The following RAB6B variants were observed in gnomAD, a reference collection of about 807,000 sequenced individuals.
The protein encoded by RAB6B is ras-related protein Rab-6B.
A neutral mutation model predicts 31.2 loss-of-function variants in RAB6B; 7 were observed. That is an observed-to-expected ratio of 0.22 (90% CI 0.13 to 0.42). RAB6B has a LOEUF of 0.42. RAB6B is among the 10% of genes least tolerant of loss of function. RAB6B has a pLI of 1.00. For missense variants in RAB6B, 149 were observed against 280.6 expected, an observed-to-expected ratio of 0.53 and a Z score of 3.35; for synonymous variants, 105 against 104.9, an observed-to-expected ratio of 1.00 and a Z score of -0.01.
intron 1 of RAB6B, among the ~76,000 whole-genome samples, chr3:133,884,031 T>C (rs1453113991): frequency 2.0e-5 from 3 of 148,860 alleles, no homozygotes; most frequent in African/African-American, 5.1e-5. Context: ...AGCACCAAGA[T>C]GAGGGGGCAG....
intron 6 of RAB6B, among the ~76,000 whole-genome samples, chr3:133,837,019 G>A (rs1417375044): frequency 6.6e-6 from 1 of 152,110 alleles, no homozygotes; most frequent in Non-Finnish European, 1.5e-5. Flanking sequence ...AGCAATGCTG[G>A]GGTGGCAGGG....
intron 2 of RAB6B, among the ~76,000 whole-genome samples, chr3:133,842,719 T>C (rs1935853523): frequency 6.6e-6 from 1 of 152,216 alleles, no homozygotes; most frequent in Non-Finnish European, 1.5e-5. Context: ...ATTTTTCATG[T>C]TTTCTTAGAC....
chr3:133,835,255 ATG>A (rs1316997005), intron 6 of RAB6B, among the ~76,000 whole-genome samples: 1 of 151,922 alleles, frequency 6.6e-6, no homozygotes, highest in African/African-American at 2.4e-5. Flanking sequence ...TGTACAGTGT[ATG>A]TGTTTTATCT....
chr3:133,867,055 T>C (rs879429970), intron 1 of RAB6B, among the ~76,000 whole-genome samples: 1 of 152,016 alleles, frequency 6.6e-6, no homozygotes, highest in East Asian at 1.9e-4. Context: ...TTTCATGGAG[T>C]AGCTGAAAAC....
At chr3:133,858,321 C>T (rs1462579058) in intron 2 of RAB6B, among the ~76,000 whole-genome samples, 1 of 152,208 alleles carries the variant, frequency 6.6e-6, no homozygotes, top group Non-Finnish European at 1.5e-5. Flanking sequence ...ATCTCTATAC[C>T]AATGTAGCTG....
chr3:133,885,230 A>C (rs1341522868), intron 1 of RAB6B, among the ~76,000 whole-genome samples: 3 of 150,592 alleles, frequency 2.0e-5, no homozygotes, highest in Non-Finnish European at 4.4e-5. Context: ...TCGCACACTA[A>C]TGATTAGAGG....
intron 1 of RAB6B, among the ~76,000 whole-genome samples, chr3:133,865,773 C>T (rs921763721): frequency 6.6e-6 from 1 of 152,246 alleles, no homozygotes; most frequent in Admixed American, 6.5e-5. Context: ...GGGAGCAGGA[C>T]AAGCCAACAG....
chr3:133,848,180 T>C (rs1370608615), intron 2 of RAB6B, among the ~76,000 whole-genome samples: 3 of 152,240 alleles, frequency 2.0e-5, no homozygotes, highest in African/African-American at 7.2e-5. Flanking sequence ...CCTATTTCAA[T>C]AAATGGCACC....
chr3:133,834,535 C>G (rs767294209), intron 7 of RAB6B, 40 bp downstream of exon 7: 2 of 1,568,666 alleles, frequency 1.3e-6, no homozygotes, highest in South Asian at 2.2e-5. Context: ...TAAATGGCTT[C>G]TATACATCTT....
chr3:133,846,103 TAA>T (rs1935905091), intron 2 of RAB6B, among the ~76,000 whole-genome samples: 2 of 151,966 alleles, frequency 1.3e-5, no homozygotes, highest in African/African-American at 4.8e-5. Flanking sequence ...GGAATAAAAA[TAA>T]AGAGAGCTTC....
intron 2 of RAB6B, among the ~76,000 whole-genome samples, chr3:133,860,596 G>A (rs1055938959): frequency 1.3e-5 from 2 of 152,244 alleles, no homozygotes; most frequent in African/African-American, 4.8e-5. Flanking sequence ...GGAATGCAGT[G>A]AGGATCACCT....
chr3:133,837,183 T>C (rs1454808167), intron 6 of RAB6B, among the ~76,000 whole-genome samples: 1 of 152,134 alleles, frequency 6.6e-6, no homozygotes, highest in African/African-American at 2.4e-5. Context: ...CGGCAGGAGT[T>C]CTTAACCCTT....
chr3:133,825,544 A>G lies in RAB6B; in HGVS notation c.*3244T>C, dbSNP rs1044360230. The G allele has an allele frequency of 1.3e-5, 2 of 152,254 alleles. No individual in the cohort carries two copies. Among genetic ancestry groups the G allele is most frequent in the African/African-American group, 4.8e-5 (2 of 41,464 alleles). 9.4% of individuals were successfully genotyped at this position (152,254 alleles called of 1,614,324 possible). A position where few individuals can be genotyped will look rare whatever the true frequency, so the allele number is the denominator to read the frequency against. Reference sequence around the variant, plus strand: ...CAGCTACCAAGCCAACTAGCCTTGGATCACACAACTGCAGCCATGGTGCTC... The same window carrying G: ...CAGCTACCAAGCCAACTAGCCTTGGGTCACACAACTGCAGCCATGGTGCTC... On this transcript the variant is annotated 3_prime_UTR_variant, in exon 8 of 8. Transcript: ENST00000285208.
At chr3:133,832,318 AG>A (rs1247672995) in intron 7 of RAB6B, among the ~76,000 whole-genome samples, 1 of 152,052 alleles carries the variant, frequency 6.6e-6, no homozygotes, top group Non-Finnish European at 1.5e-5. Flanking sequence ...GCTGCTGGGC[AG>A]AAGTATTGGC....
At chr3:133,881,742 A>G (rs376590234) in intron 1 of RAB6B, among the ~76,000 whole-genome samples, 58 of 152,344 alleles carry the variant, frequency 3.8e-4, no homozygotes, top group South Asian at 2.3e-3. Flanking sequence ...CCTGACCCCA[A>G]TGAGTGCTTC....
intron 2 of RAB6B, among the ~76,000 whole-genome samples, chr3:133,857,622 A>G (rs1265503949): frequency 6.6e-6 from 1 of 152,118 alleles, no homozygotes; most frequent in Non-Finnish European, 1.5e-5. Flanking sequence ...TCTACATTCC[A>G]TTAGAGAAAA....
rs192187124 is a variant in RAB6B, at chr3:133,874,521, G to A, written c.71-9879C>T. Among the ~76,000 whole-genome samples the A allele has an allele frequency of 1.2e-4, 19 of 152,336 alleles. No homozygotes were observed. The East Asian group carries it at 1.7e-3, about 14-fold the overall frequency. ...GAACAGAGCCATAGGACTGGAAGTC[G>A]TTCTGGGTGAGTCAGTCAGTGAGTG... On this transcript the variant is annotated intron_variant, in intron 1 of 7. Coordinates refer to ENST00000285208, the MANE Select transcript of RAB6B (RefSeq NM_016577.4).
intron 1 of RAB6B, among the ~76,000 whole-genome samples, chr3:133,889,117 A>C (rs1171343985): frequency 2.0e-5 from 3 of 152,002 alleles, no homozygotes; most frequent in Non-Finnish European, 4.4e-5. Context: ...CACCTTCCCC[A>C]GTGGTTCTGT....
intron 1 of RAB6B, among the ~76,000 whole-genome samples, chr3:133,879,050 T>C (rs1442970105): frequency 6.6e-6 from 1 of 152,182 alleles, no homozygotes; most frequent in Non-Finnish European, 1.5e-5. Flanking sequence ...TTGTGTGATC[T>C]TGGGTTAGTT....
Sources: gnomAD v4.1 joint callset for allele counts (sites outside exome capture counted in the v4.1 genomes callset) on GRCh38, gnomAD v4.1.1 for gene constraint, MANE v1.5 for transcripts, NCBI Gene and HGNC (gene_info 2026-07-23, HGNC 2026-07-21) for gene names.